Variants in WDR70 observed in about 807,000 individuals in gnomAD.
WDR70 encodes the protein WD repeat-containing protein 70.
In WDR70, 53 loss-of-function variants were observed where a neutral mutation model predicts 88.6. That is an observed-to-expected ratio of 0.60 (90% CI 0.48 to 0.75). WDR70 has a LOEUF of 0.75. Among genes scored for constraint, WDR70 ranks in the 30% least tolerant of loss-of-function variants. The pLI is 0.00. For missense variants in WDR70, 610 were observed against 823.2 expected (o/e 0.74, Z 3.17); for synonymous variants, 280 against 270.0 (o/e 1.04, Z -0.36).
chr5:37,381,877 A>T (rs1748436056), intron 3 of WDR70, 192 bp downstream of exon 3: 6 of 403,352 alleles, frequency 1.5e-5, no homozygotes, highest in South Asian at 8.4e-5. Flanking sequence ...AACATGGTGA[A>T]ACCCCATCTC....
intron 9 of WDR70, among the ~76,000 whole-genome samples, chr5:37,537,688 A>G (rs1346090199): frequency 6.6e-6 from 1 of 152,204 alleles, no homozygotes; most frequent in Non-Finnish European, 1.5e-5. Flanking sequence ...GATTAACAGG[A>G]TAAACAAAGT....
chr5:37,524,283 C>T (rs189128262), intron 9 of WDR70, among the ~76,000 whole-genome samples: 6 of 152,290 alleles, frequency 3.9e-5, no homozygotes, highest in East Asian at 3.9e-4. Flanking sequence ...GCTGATTTCT[C>T]GGCAGAAGCT....
chr5:37,562,616 C>T (rs1349170755), intron 9 of WDR70, among the ~76,000 whole-genome samples: 1 of 152,132 alleles, frequency 6.6e-6, no homozygotes, highest in African/African-American at 2.4e-5. Flanking sequence ...GTTTGTGTCC[C>T]TGGGTACTTG....
At chr5:37,662,422 AT>A (rs1745726855) in intron 10 of WDR70, among the ~76,000 whole-genome samples, 1 of 152,142 alleles carries the variant, frequency 6.6e-6, no homozygotes, top group South Asian at 2.1e-4. Context: ...CCCAAAACAC[AT>A]TTGTCTGCCC....
At chr5:37,466,488 T>C (rs1739152089) in intron 7 of WDR70, among the ~76,000 whole-genome samples, 1 of 151,084 alleles carries the variant, frequency 6.6e-6, no homozygotes, top group Admixed American at 6.6e-5. Flanking sequence ...GGGCAGATCA[T>C]GAGGTCAGGA....
At chr5:37,644,483 A>T (rs1258961100) in intron 10 of WDR70, among the ~76,000 whole-genome samples, 1 of 151,984 alleles carries the variant, frequency 6.6e-6, no homozygotes, top group Non-Finnish European at 1.5e-5. Flanking sequence ...TATCAGGGTA[A>T]TATTAGCATT....
intron 15 of WDR70, chr5:37,723,139 C>A: frequency 1.7e-6 from 1 of 590,254 alleles, no homozygotes; most frequent in African/African-American, 1.9e-5. Context: ...TTATTTCATG[C>A]AGCTTTCAAC....
At chr5:37,414,492 C>T (rs1018931747) in intron 5 of WDR70, among the ~76,000 whole-genome samples, 1 of 152,180 alleles carries the variant, frequency 6.6e-6, no homozygotes, top group Non-Finnish European at 1.5e-5. Flanking sequence ...CTCCCCATCC[C>T]ACCTCTTTTC....
chr5:37,545,523 G>A (rs1027888987), intron 9 of WDR70, among the ~76,000 whole-genome samples: 6 of 148,068 alleles, frequency 4.1e-5, no homozygotes, highest in Non-Finnish European at 8.9e-5. Flanking sequence ...ATTTAATTTT[G>A]TTTTTGTTTT....
intron 10 of WDR70, among the ~76,000 whole-genome samples, chr5:37,684,565 G>A (rs1184966409): frequency 6.6e-6 from 1 of 152,200 alleles, no homozygotes; most frequent in Non-Finnish European, 1.5e-5. Context: ...AGGGGGCTAA[G>A]GCTCCGCTCC....
intron 10 of WDR70, among the ~76,000 whole-genome samples, chr5:37,619,650 TCTTTGATTCATTGCAA>T (rs1293114357): frequency 6.6e-6 from 1 of 152,164 alleles, no homozygotes; most frequent in Non-Finnish European, 1.5e-5. Flanking sequence ...TTTAACCTAC[TCTTTGATTCATTGCAA>T]CTGGAGAAGT....
intron 10 of WDR70, among the ~76,000 whole-genome samples, chr5:37,614,946 G>T (rs574500262): frequency 8.0e-6 from 1 of 124,936 alleles, no homozygotes. Context: ...GAGTATAATT[G>T]ATACTCTTAG....
chr5:37,407,456 G>A (rs886272628), intron 5 of WDR70, among the ~76,000 whole-genome samples: 3 of 151,944 alleles, frequency 2.0e-5, no homozygotes, highest in Admixed American at 1.3e-4. Flanking sequence ...CCTGGGAGGC[G>A]GAGGTTGCAA....
At chr5:37,487,734 C>A (rs1487562766) in intron 8 of WDR70, among the ~76,000 whole-genome samples, 1 of 150,428 alleles carries the variant, frequency 6.6e-6, no homozygotes, top group Non-Finnish European at 1.5e-5. Flanking sequence ...CAAGTGATTC[C>A]CCTGCCTCAG....
intron 17 of WDR70, among the ~76,000 whole-genome samples, chr5:37,742,806 G>A (rs1387143649): frequency 6.6e-6 from 1 of 152,226 alleles, no homozygotes; most frequent in African/African-American, 2.4e-5. Context: ...AACACCAGGT[G>A]TTGATGGGAG....
At chr5:37,404,270 C>T (rs1020535724) in intron 5 of WDR70, among the ~76,000 whole-genome samples, 1 of 152,054 alleles carries the variant, frequency 6.6e-6, no homozygotes, top group Non-Finnish European at 1.5e-5. Context: ...CATAGGGTAA[C>T]TTAGGGTACC....
intron 8 of WDR70, among the ~76,000 whole-genome samples, chr5:37,504,175 G>GA (rs1278517337): frequency 6.6e-6 from 1 of 152,056 alleles, no homozygotes; most frequent in Non-Finnish European, 1.5e-5. Flanking sequence ...TTATTAGTTG[G>GA]AAAAACTGAC....
chr5:37,483,068 TA>T (rs1233335964), intron 8 of WDR70, among the ~76,000 whole-genome samples: 395 of 137,346 alleles, frequency 2.9e-3, no homozygotes, highest in Non-Finnish European at 3.4e-3. Context: ...TCTCTTAATT[TA>T]AAAAAAAAAA....
Position 37,413,002 on chromosome 5 carries a change from AAAG to A in WDR70, c.492+16438_492+16440del, listed in dbSNP as rs1251959281. On this transcript the variant is annotated intron_variant, in intron 5 of 17. Transcript: ENST00000265107. ...AATTTAATTGAAGTTGACTTCAATTAAAGAAGAAAAGTTTTAAAAAATTGGTAT... is the reference window on the plus strand; with the variant it reads ...AATTTAATTGAAGTTGACTTCAATTAAAGAAAAGTTTTAAAAAATTGGTAT... Among the ~76,000 whole-genome samples, 6 of 152,236 alleles carry A rather than the reference AAAG, an allele frequency of 3.9e-5. No homozygotes were observed. The East Asian group carries it at 5.8e-4, about 15-fold the overall frequency.
Sources: gnomAD v4.1 joint callset for allele counts (sites outside exome capture counted in the v4.1 genomes callset) on GRCh38, gnomAD v4.1.1 for gene constraint, MANE v1.5 for transcripts, NCBI Gene and HGNC (gene_info 2026-07-23, HGNC 2026-07-21) for gene names.